Variants in UHMK1 observed in about 807,000 individuals in gnomAD.
The protein encoded by UHMK1 is U2AF homology motif kinase 1, also known as serine/threonine-protein kinase Kist.
In UHMK1, 18 loss-of-function variants were observed where a neutral mutation model predicts 44.0. That is an observed-to-expected ratio of 0.41 (90% confidence interval 0.28 to 0.61). The LOEUF is 0.61. Ranked by LOEUF, UHMK1 falls within the 20% of genes least tolerant of loss-of-function variation. The pLI, the probability that UHMK1 is intolerant of heterozygous loss-of-function variation, is 0.31. For missense variants in UHMK1, 463 were observed against 522.5 expected (o/e 0.89, Z 1.11); for synonymous variants, 231 against 198.5 (o/e 1.16, Z -1.38).
intron 4 of UHMK1, among the ~76,000 whole-genome samples, chr1:162,504,596 G>T (rs1425112772): frequency 6.6e-6 from 1 of 152,102 alleles, no homozygotes; most frequent in Non-Finnish European, 1.5e-5. Context: ...CAGTATAAAA[G>T]ATTAAAAATG....
chr1:162,518,907 T>G (rs1255383105), intron 7 of UHMK1, among the ~76,000 whole-genome samples: 1 of 151,388 alleles, frequency 6.6e-6, no homozygotes, highest in Admixed American at 6.6e-5. Context: ...GAGAATCGCT[T>G]GAACCTGGGA....
chr1:162,498,234 G>A lies in UHMK1; in HGVS notation c.234G>A (p.Ala78=), dbSNP rs1651132489. Residue 78 remains alanine, a synonymous_variant, in exon 1 of 8, where the codon GCG becomes GCA. Transcript: ENST00000489294. ...AGTATGGTTTCCGCAAAGAGAGGGC[G>A]GCGCTGGAACAGTTGCAGGGTCACA... ...AAEYGFRKER[A]ALEQLQGHRN... 1.2e-6 allele frequency: 2 copies of A among 1,608,002 alleles called. No individual in the cohort carries two copies. The highest frequency in any genetic ancestry group is 1.1e-5 in the South Asian group (1 of 89,904).
chr1:162,497,935 G>T lies in UHMK1; in HGVS notation c.-66G>T. ...TGGTCCGGCTGGCGGAGATGTGACC[G>T]CGGGCCCGGCCGGCCTGCCTCAGGC... On this transcript the variant is annotated 5_prime_UTR_variant, in exon 1 of 8. Transcript: ENST00000489294. 7.0e-7 allele frequency: 1 copy of T among 1,432,402 alleles called. No homozygotes were observed. The highest frequency in any genetic ancestry group is 1.5e-5 in the South Asian group (1 of 66,530). 88.7% of individuals were successfully genotyped at this position (1,432,402 alleles called of 1,614,324 possible).
chr1:162,515,693 G>A (rs1651809603), intron 6 of UHMK1, among the ~76,000 whole-genome samples: 1 of 152,164 alleles, frequency 6.6e-6, no homozygotes, highest in South Asian at 2.1e-4. Flanking sequence ...AAGACCTGCT[G>A]TCTTCATCAC....
At chr1:162,500,684 G>A (rs144247118) in intron 2 of UHMK1, 3 of 510,550 alleles carry the variant, frequency 5.9e-6, no homozygotes, top group Non-Finnish European at 1.0e-5. Context: ...ATAGGTAAGA[G>A]ACAATCCAAA....
rs188378472 is a variant in UHMK1 at position 162,524,063 on chromosome 1, A to G, written c.*1513A>G. The G allele has an allele frequency of 9.7e-4, 147 of 152,232 alleles. No homozygotes were observed. The highest frequency in any genetic ancestry group is 3.2e-3 in the African/African-American group (131 of 41,562). 9.4% of individuals were successfully genotyped at this position (152,232 alleles called of 1,614,324 possible). A position where few individuals can be genotyped will look rare whatever the true frequency, so the allele number is the denominator to read the frequency against. ...GAAGCACTGATTATACCAAAAAAAA[A>G]AGACAAGTTATATACAGGTTATTAA... On this transcript the variant is annotated 3_prime_UTR_variant, in exon 8 of 8. Transcript: ENST00000489294.
At chr1:162,502,369 G>T (rs935213193) in intron 3 of UHMK1, among the ~76,000 whole-genome samples, 5 of 152,116 alleles carry the variant, frequency 3.3e-5, no homozygotes, top group African/African-American at 1.2e-4. Context: ...TTCCTGGAAG[G>T]GATATTTTAA....
Position 162,522,627 on chromosome 1 carries a change from C to A in UHMK1, c.*77C>A. ...TTCCACATATGAATGCAGGACTACC[C>A]CCTTACCATTTTAAGAAGGTACTTT... On this transcript the variant is annotated 3_prime_UTR_variant, in exon 8 of 8. Transcript: ENST00000489294. 6.9e-7 allele frequency: 1 copy of A among 1,443,854 alleles called. No individual in the cohort carries two copies. The highest frequency in any genetic ancestry group is 2.3e-5 in the East Asian group (1 of 43,748). The allele number at this position is 1,443,854 out of a possible 1,614,324, so 89.4% of individuals were successfully genotyped here. A position where few individuals can be genotyped will look rare whatever the true frequency, so the allele number is the denominator to read the frequency against.
intron 3 of UHMK1, among the ~76,000 whole-genome samples, chr1:162,502,131 A>G (rs995814787): frequency 6.6e-6 from 1 of 152,118 alleles, no homozygotes; most frequent in African/African-American, 2.4e-5. Flanking sequence ...TTATCACAAC[A>G]TTAAAGCCCC....
chr1:162,506,495 A>G (rs1480454303), intron 4 of UHMK1, among the ~76,000 whole-genome samples: 1 of 152,196 alleles, frequency 6.6e-6, no homozygotes, highest in Non-Finnish European at 1.5e-5. Flanking sequence ...TGTAACTACC[A>G]TTCACACCAA....
intron 3 of UHMK1, among the ~76,000 whole-genome samples, chr1:162,502,898 A>C (rs1159168556): frequency 1.3e-5 from 2 of 152,158 alleles, no homozygotes; most frequent in Non-Finnish European, 2.9e-5. Context: ...TGATACTTTT[A>C]GCAAACAGCT....
rs200546143 is a variant in UHMK1 at position 162,500,071 on chromosome 1, G to T, written c.385G>T (p.Gly129Cys). 6.2e-7 allele frequency: 1 copy of T among 1,614,178 alleles called. No individual in the cohort carries two copies. The highest frequency in any genetic ancestry group is 8.5e-7 in the Non-Finnish European group (1 of 1,180,032). ...SELLLYSSHQ[G>C]CSMWMIQHCA... is the part of the protein sequence containing the mutation. The stretch of plus-strand genomic sequence containing the variant: ...ATTGCTCTTATATTCCAGTCACCAG[G>T]GTTGTTCCATGTGGATGATACAGCA... Residue 129 changes from glycine to cysteine, a missense_variant, in exon 2 of 8, where the codon GGT becomes TGT. Gly to Cys is a radical substitution (Grantham distance 159). Transcript: ENST00000489294.
Position 162,498,008 on chromosome 1 carries a change from G to A in UHMK1, c.8G>A (p.Gly3Glu). The A allele has an allele frequency of 6.3e-7, 1 of 1,584,086 alleles. No homozygotes were observed. Among genetic ancestry groups the A allele is most frequent in the Non-Finnish European group, 8.6e-7 (1 of 1,163,306 alleles). ...TGCCCTTAACCCACACCGATGGCGG[G>A]ATCCGGCTGCGCCTGGGGCGCGGAG... MAGSGCAWGAEPP... is the reference protein window; with the variant it reads MAESGCAWGAEPP... Residue 3 changes from glycine (G) to glutamate (E), a missense_variant, in exon 1 of 8, where the codon GGA (glycine) becomes GAA (glutamate). Transcript: ENST00000489294.
chr1:162,501,661 A>G (rs953772401), intron 3 of UHMK1, among the ~76,000 whole-genome samples: 1 of 152,200 alleles, frequency 6.6e-6, no homozygotes, highest in Non-Finnish European at 1.5e-5. Context: ...GAATGAATGC[A>G]TTTTCCTGAA....
chr1:162,497,966 G>T lies in UHMK1; in HGVS notation c.-35G>T. 6.8e-7 allele frequency: 1 copy of T among 1,461,344 alleles called. No homozygotes were observed. 90.5% of individuals were successfully genotyped at this position (1,461,344 alleles called of 1,614,324 possible). A position where few individuals can be genotyped will look rare whatever the true frequency, so the allele number is the denominator to read the frequency against. On this transcript the variant is annotated 5_prime_UTR_variant, in exon 1 of 8. Transcript: ENST00000489294. Reference sequence around the variant, plus strand: ...CCGGCCGGCCTGCCTCAGGCGTCGCGTCAGCTCCCGTGTCCGTGCCCTTAA... The same window carrying T: ...CCGGCCGGCCTGCCTCAGGCGTCGCTTCAGCTCCCGTGTCCGTGCCCTTAA...
In UHMK1 at chr1:162,527,929, A is replaced by ATTTTGT. The variant is rs1381338068; in HGVS notation, c.*5384_*5389dup. 6.6e-6 allele frequency: 1 copy of ATTTTGT among 151,292 alleles called. No homozygotes were observed. Among genetic ancestry groups the ATTTTGT allele is most frequent in the African/African-American group, 2.4e-5 (1 of 41,236 alleles). 9.4% of individuals were successfully genotyped at this position (151,292 alleles called of 1,614,324 possible). A position where few individuals can be genotyped will look rare whatever the true frequency, so the allele number is the denominator to read the frequency against. ...GGGGAAAAAAACTGGAATTGTTTGT[A>ATTTTGT]TTTTGTTTTTTTGGGGGGGGATCTT... On this transcript the variant is annotated 3_prime_UTR_variant, in exon 8 of 8. Coordinates refer to ENST00000489294, the MANE Select transcript of UHMK1 (RefSeq NM_175866.5).
intron 2 of UHMK1, 133 bp downstream of exon 2, chr1:162,500,380 T>C (rs1013938705): frequency 5.4e-5 from 58 of 1,076,948 alleles, no homozygotes; most frequent in Non-Finnish European, 7.4e-5. Flanking sequence ...TGCCAGGGGA[T>C]GCAGTAAATC....
intron 6 of UHMK1, among the ~76,000 whole-genome samples, chr1:162,517,460 T>C (rs1457625135): frequency 6.6e-6 from 1 of 152,174 alleles, no homozygotes; most frequent in African/African-American, 2.4e-5. Flanking sequence ...AAATATTTCA[T>C]AACCATTAAA....
At chr1:162,504,272 T>A (rs1651385179) in intron 4 of UHMK1, among the ~76,000 whole-genome samples, 2 of 152,230 alleles carry the variant, frequency 1.3e-5, no homozygotes, top group African/African-American at 4.8e-5. Flanking sequence ...TGGGGACAGA[T>A]ACAGTTTTTC....
Sources: gnomAD v4.1 joint callset for allele counts (sites outside exome capture counted in the v4.1 genomes callset) on GRCh38, gnomAD v4.1.1 for gene constraint, MANE v1.5 for transcripts, NCBI Gene and HGNC (gene_info 2026-07-23, HGNC 2026-07-21) for gene names.